Variants in C6orf132 observed in about 807,000 individuals in gnomAD.
C6orf132 encodes the protein uncharacterized protein C6orf132.
Under a neutral mutation model 65.3 loss-of-function variants are expected in C6orf132, and 43 were observed. That is an observed-to-expected ratio of 0.66 (90% confidence interval 0.52 to 0.85). The LOEUF is 0.85. Ranked by LOEUF, C6orf132 falls within the 40% of genes least tolerant of loss-of-function variation. C6orf132 has a pLI of 0.00. For missense variants in C6orf132, 1,488 were observed against 1,548.8 expected, an observed-to-expected ratio of 0.96 and a Z score of 0.66; for synonymous variants, 631 against 654.1, an observed-to-expected ratio of 0.96 and a Z score of 0.54.
chr6:42,136,148 C>T (rs949776774), intron 1 of C6orf132, among the ~76,000 whole-genome samples: 2 of 112,878 alleles, frequency 1.8e-5, no homozygotes, highest in African/African-American at 7.4e-5. Flanking sequence ...TAAAAACTTA[C>T]CTGTAAGCCA....
Position 42,142,568 on chromosome 6 carries a change from C to A in C6orf132, c.-124G>T. ...CAGGCCATGTCCCCCGCCGTCCTCCCCGCCCGCGCACCGGGCAACAGGTGC... is the reference window on the plus strand; with the variant it reads ...CAGGCCATGTCCCCCGCCGTCCTCCACGCCCGCGCACCGGGCAACAGGTGC... On this transcript the variant is annotated 5_prime_UTR_variant, in exon 1 of 5. Transcript: ENST00000341865. 1 of 957,568 alleles carries A rather than the reference C, an allele frequency of 1.0e-6. No individual in the cohort carries two copies. The highest frequency in any genetic ancestry group is 2.7e-5 in the South Asian group (1 of 36,728). The allele number at this position is 957,568 out of a possible 1,614,324, so 59.3% of individuals were successfully genotyped here. A position where few individuals can be genotyped will look rare whatever the true frequency, so the allele number is the denominator to read the frequency against.
intron 3 of C6orf132, 33 bp downstream of exon 3, chr6:42,110,183 G>T: frequency 6.6e-7 from 1 of 1,524,150 alleles, no homozygotes; most frequent in Non-Finnish European, 8.9e-7. Context: ...AGGAAAGAAA[G>T]ATGGACAAGC....
intron 2 of C6orf132, among the ~76,000 whole-genome samples, chr6:42,115,934 C>CTTTTTTTTTTTTTTT (rs67542628): frequency 9.4e-6 from 1 of 106,390 alleles, no homozygotes; most frequent in Non-Finnish European, 1.9e-5. Flanking sequence ...TTTTCTTTTT[C>CTTTTTTTTTTTTTTT]TTTTTTTTTT....
chr6:42,102,274 T>A lies in C6orf132; in HGVS notation c.*1487A>T, dbSNP rs1766301122. The stretch of plus-strand genomic sequence containing the variant: ...GACGAGTCTCGCTCTGTCGCCAGGC[T>A]GGAGTGCAATTGTGCAATCTCGGCT... On this transcript the variant is annotated 3_prime_UTR_variant, in exon 5 of 5. Coordinates refer to ENST00000341865, the MANE Select transcript of C6orf132 (RefSeq NM_001164446.3). 7.4e-6 allele frequency: 1 copy of A among 134,314 alleles called. No homozygotes were observed. The highest frequency in any genetic ancestry group is 1.5e-5 in the Non-Finnish European group (1 of 65,200). The allele number at this position is 134,314 out of a possible 1,614,324, so 8.3% of individuals were successfully genotyped here. A position where few individuals can be genotyped will look rare whatever the true frequency, so the allele number is the denominator to read the frequency against.
intron 1 of C6orf132, among the ~76,000 whole-genome samples, chr6:42,140,316 A>G (rs1406771628): frequency 6.6e-6 from 1 of 152,244 alleles, no homozygotes; most frequent in African/African-American, 2.4e-5. Flanking sequence ...AGCAGCCTGC[A>G]CAGCCTAGGC....
intron 2 of C6orf132, among the ~76,000 whole-genome samples, chr6:42,116,804 C>T (rs544557113): frequency 2.0e-5 from 3 of 152,180 alleles, no homozygotes; most frequent in South Asian, 4.2e-4. Context: ...GGAACCTGAC[C>T]GACTCATGAA....
chr6:42,130,796 G>A (rs1766839741), intron 1 of C6orf132, among the ~76,000 whole-genome samples: 1 of 145,666 alleles, frequency 6.9e-6, no homozygotes, highest in Non-Finnish European at 1.5e-5. Flanking sequence ...TTTTGAGATG[G>A]AGTCTTTTTT....
At chr6:42,109,979 C>T (rs1766470254) in intron 3 of C6orf132, among the ~76,000 whole-genome samples, 1 of 152,222 alleles carries the variant, frequency 6.6e-6, no homozygotes, top group South Asian at 2.1e-4. Flanking sequence ...TGTCCCCTTG[C>T]CATCCTTCCC....
At chr6:42,132,518 A>AAAT (rs199772178) in intron 1 of C6orf132, among the ~76,000 whole-genome samples, 52 of 141,988 alleles carry the variant, frequency 3.7e-4, no homozygotes, top group African/African-American at 9.1e-4. Context: ...TTGTCTCAAA[A>AAAT]AATAATAAGA....
chr6:42,106,926 C>G lies in C6orf132; in HGVS notation c.986G>C (p.Gly329Ala). ...TCGGCTGGGAGCCTTCTTGGTGGCC[C>G]CCTCTTCCTTTCGGGGAGCCTCTTG... Reference protein sequence around the residue: ...EAQEAPRKEEGATKKAPSRLP... With the variant: ...EAQEAPRKEEAATKKAPSRLP... Residue 329 changes from glycine (G) to alanine (A), a missense_variant, in exon 4 of 5, where the codon GGG (glycine) becomes GCG (alanine). By Grantham distance (60) the Gly-to-Ala change is moderately conservative. Coordinates refer to ENST00000341865, the MANE Select transcript of C6orf132 (RefSeq NM_001164446.3). The G allele has an allele frequency of 1.3e-6, 2 of 1,536,226 alleles. No homozygotes were observed. Among genetic ancestry groups the G allele is most frequent in the Non-Finnish European group, 1.7e-6 (2 of 1,146,496 alleles).
intron 1 of C6orf132, among the ~76,000 whole-genome samples, chr6:42,129,403 C>G (rs1268889658): frequency 6.6e-6 from 1 of 152,236 alleles, no homozygotes. Context: ...CTGCCACTGA[C>G]TGCCCATGTG....
rs9394864 is a variant in C6orf132, at chr6:42,105,949, C to T, written c.1963G>A (p.Ala655Thr). 4 of 1,537,028 alleles carry T rather than the reference C, an allele frequency of 2.6e-6. No homozygotes were observed. In the East Asian group the frequency reaches 9.8e-5, roughly 38 times the overall value. The change falls in exon 4 of 5, where the codon GCT (alanine) becomes ACT (threonine). Residue 655 changes from alanine (A) to threonine (T), a missense_variant. Ala to Thr is a moderately conservative substitution (Grantham distance 58). Transcript: ENST00000341865. Reference sequence around the variant, plus strand: ...GGTGGTGTGGCTGGCCAAAGTGTAGCCTTGGGTGGTATGGCTGGCTCAGGT... The same window carrying T: ...GGTGGTGTGGCTGGCCAAAGTGTAGTCTTGGGTGGTATGGCTGGCTCAGGT... ...ATPEPAIPPKATLWPATPPKA... is the reference protein window; with the variant it reads ...ATPEPAIPPKTTLWPATPPKA...
chr6:42,104,594 C>T lies in C6orf132; in HGVS notation c.3318G>A (p.Ser1106=). The T allele has an allele frequency of 1.5e-6, 2 of 1,334,466 alleles. No homozygotes were observed. Among genetic ancestry groups the T allele is most frequent in the East Asian group, 3.1e-5 (1 of 32,232 alleles). 82.7% of individuals were successfully genotyped at this position (1,334,466 alleles called of 1,614,324 possible). A position where few individuals can be genotyped will look rare whatever the true frequency, so the allele number is the denominator to read the frequency against. ...GGCCTCCGGGGGGCGCGCGACCCGC[C>T]GAGTTCACGCGCCGCATCTCGGGGC... ...PGGPEMRRVN[S]AGRAPPGGLH... is the part of the protein sequence containing the mutation. The change falls in exon 4 of 5, where the codon TCG becomes TCA. Residue 1106 remains serine, a synonymous_variant. Coordinates refer to ENST00000341865, the MANE Select transcript of C6orf132 (RefSeq NM_001164446.3). The surrounding 1 kb of genome is among the most constrained non-coding windows in gnomAD (Gnocchi z 4.1).
rs528413680 is a variant in C6orf132 at position 42,131,724 on chromosome 6, T to G, written c.146-2946A>C. On this transcript the variant is annotated intron_variant, in intron 1 of 4. Transcript: ENST00000341865. Reference sequence around the variant, plus strand: ...CTGACCCCCAAGCAGGCGCTCTAACTGCCTCACAGATCCCATGACTCAGCC... The same window carrying G: ...CTGACCCCCAAGCAGGCGCTCTAACGGCCTCACAGATCCCATGACTCAGCC... Among the ~76,000 whole-genome samples, 27 of 152,356 alleles carry G rather than the reference T, an allele frequency of 1.8e-4. No individual in the cohort carries two copies. In the South Asian group the frequency reaches 5.4e-3, roughly 30 times the overall value.
intron 2 of C6orf132, among the ~76,000 whole-genome samples, chr6:42,120,413 A>AT (rs1339652116): frequency 2.0e-5 from 3 of 151,326 alleles, no homozygotes; most frequent in African/African-American, 7.3e-5. Flanking sequence ...CGTCCAGTTA[A>AT]TTTTTTGTAT....
intron 1 of C6orf132, among the ~76,000 whole-genome samples, chr6:42,133,224 T>C (rs2127479402): frequency 6.6e-6 from 1 of 152,218 alleles, no homozygotes; most frequent in East Asian, 1.9e-4. Flanking sequence ...CTGGTTTCCC[T>C]TGAGGAAGGA....
At chr6:42,117,720 G>A (rs1206726766) in intron 2 of C6orf132, among the ~76,000 whole-genome samples, 2 of 152,034 alleles carry the variant, frequency 1.3e-5, no homozygotes, top group Admixed American at 6.6e-5. Context: ...TCAAGAGTTC[G>A]AGACCAGCCT....
In C6orf132 at chr6:42,110,296, AAG is replaced by A; in HGVS notation, c.253-7_253-6del. On this transcript the variant is annotated splice_region_variant and splice_polypyrimidine_tract_variant and intron_variant, in intron 2 of 4. Transcript: ENST00000341865. Reference sequence around the variant, plus strand: ...CCCATGGTTTTCCTGGGCATTCTGAAAGAGACCAGAAAGAAATCAGGGGACAG... The same window carrying A: ...CCCATGGTTTTCCTGGGCATTCTGAAAGACCAGAAAGAAATCAGGGGACAG... 6.5e-7 allele frequency: 1 copy of A among 1,545,086 alleles called. No individual in the cohort carries two copies. Among genetic ancestry groups the A allele is most frequent in the Non-Finnish European group, 8.7e-7 (1 of 1,144,392 alleles).
At chr6:42,111,552 G>A (rs543138221) in intron 2 of C6orf132, among the ~76,000 whole-genome samples, 2 of 152,212 alleles carry the variant, frequency 1.3e-5, no homozygotes, top group Non-Finnish European at 2.9e-5. Flanking sequence ...AAAGTGCTGG[G>A]ATTACAGGTG....
Sources: allele counts gnomAD v4.1 joint callset (sites outside exome capture counted in the v4.1 genomes callset), GRCh38; gene constraint gnomAD v4.1.1; non-coding constraint Gnocchi (gnomAD v3.1); transcripts MANE v1.5; gene names NCBI Gene and HGNC (gene_info 2026-07-23, HGNC 2026-07-21).